Variants in RIMS2 observed in about 807,000 individuals in gnomAD.
RIMS2 encodes regulating synaptic membrane exocytosis protein 2.
A neutral mutation model predicts 174.4 loss-of-function variants in RIMS2; 59 were observed. The ratio of observed to expected loss-of-function variants is 0.34; its 90% confidence interval spans 0.27 to 0.42. The LOEUF (loss-of-function observed/expected upper bound fraction) is 0.42, where lower values mean the gene tolerates loss of function less well. RIMS2 is among the 10% of genes least tolerant of loss of function. The pLI, the probability that RIMS2 is intolerant of heterozygous loss-of-function variation, is 1.00. For synonymous variants in RIMS2, 606 were observed against 572.5 expected, an observed-to-expected ratio of 1.06 and a Z score of -0.84; for missense variants, 1,620 against 1,666.3, an observed-to-expected ratio of 0.97 and a Z score of 0.48.
chr8:103,952,375 G>C (rs1016684570), intron 14 of RIMS2, among the ~76,000 whole-genome samples: 1 of 152,152 alleles, frequency 6.6e-6, no homozygotes, highest in Non-Finnish European at 1.5e-5. Context: ...GCTGGCATCT[G>C]GTGGGTGCCC....
intron 19 of RIMS2, among the ~76,000 whole-genome samples, chr8:104,033,235 T>C (rs1426641404): frequency 1.3e-5 from 2 of 152,020 alleles, no homozygotes; most frequent in East Asian, 1.9e-4. Context: ...ATTGGGAAAA[T>C]AGTGATTAGC....
chr8:103,885,532 T>C, exon 4 of RIMS2: 1 of 1,611,990 alleles, frequency 6.2e-7, no homozygotes, highest in Non-Finnish European at 8.5e-7. Context: ...TTGTAGATGA[T>C]GAGGATGTGG....
chr8:103,576,225 C>G (rs1324637511), intron 1 of RIMS2, among the ~76,000 whole-genome samples: 1 of 152,196 alleles, frequency 6.6e-6, no homozygotes, highest in Non-Finnish European at 1.5e-5. Flanking sequence ...TTTACTACAA[C>G]CAAGGCAAAC....
At chr8:104,205,626 A>T (rs2099076322) in intron 19 of RIMS2, among the ~76,000 whole-genome samples, 1 of 152,196 alleles carries the variant, frequency 6.6e-6, no homozygotes, top group African/African-American at 2.4e-5. Context: ...AGGTCTACCT[A>T]TATTAATATC....
intron 1 of RIMS2, among the ~76,000 whole-genome samples, chr8:103,618,135 CT>C (rs1377767607): frequency 6.6e-6 from 1 of 152,106 alleles, no homozygotes; most frequent in Non-Finnish European, 1.5e-5. Flanking sequence ...GGTACACATA[CT>C]CCATGGAATA....
chr8:104,068,747 A>C (rs955241182), intron 19 of RIMS2, 135 bp downstream of exon 23: 5 of 565,398 alleles, frequency 8.8e-6, no homozygotes, highest in Non-Finnish European at 1.6e-5. Flanking sequence ...TTAAGTGCTA[A>C]AATTTATGTG....
intron 19 of RIMS2, among the ~76,000 whole-genome samples, chr8:104,084,776 G>C (rs186086694): frequency 1.3e-5 from 2 of 152,044 alleles, no homozygotes; most frequent in East Asian, 3.9e-4. Flanking sequence ...TATATGTCAA[G>C]ACCTGTGATC....
At chr8:104,051,066 A>C (rs899379396) in intron 19 of RIMS2, among the ~76,000 whole-genome samples, 1 of 152,014 alleles carries the variant, frequency 6.6e-6, no homozygotes, top group Non-Finnish European at 1.5e-5. Flanking sequence ...GCAAGACCCC[A>C]TCTCTACAAA....
intron 19 of RIMS2, among the ~76,000 whole-genome samples, chr8:104,043,184 G>A (rs2096637401): frequency 6.9e-6 from 1 of 144,720 alleles, no homozygotes; most frequent in Non-Finnish European, 1.5e-5. Context: ...AGAAGAGAAG[G>A]GAAAGGAGAT....
In RIMS2 at chr8:104,101,212, C is replaced by T. The variant is rs565905257; in HGVS notation, c.3334+86597C>T. On this transcript the variant is annotated intron_variant, in intron 19 of 23. Coordinates refer to ENST00000504942, the Ensembl canonical transcript of RIMS2. ...CACAATCTCGGCTCGCTGCAACTTC[C>T]GTCACCCGGGTTCAAACAGTTCTCC... is the stretch of plus-strand genomic sequence containing the variant. Among the ~76,000 whole-genome samples the T allele has an allele frequency of 2.7e-4, 41 of 150,678 alleles. 1 individual carries two copies. Among genetic ancestry groups the T allele is most frequent in the African/African-American group, 3.9e-4 (16 of 41,024 alleles).
intron 1 of RIMS2, among the ~76,000 whole-genome samples, chr8:103,676,569 C>T: frequency 7.6e-6 from 1 of 131,806 alleles, no homozygotes; most frequent in Admixed American, 8.5e-5. Context: ...TTTTTATTTG[C>T]CTTTTAAAGT....
chr8:103,527,974 C>T (rs1253928249), intron 1 of RIMS2, among the ~76,000 whole-genome samples: 1 of 152,190 alleles, frequency 6.6e-6, no homozygotes, highest in Non-Finnish European at 1.5e-5. Flanking sequence ...ACACTGTCTT[C>T]CACAATGGTT....
chr8:103,588,539 T>C (rs2094090304), intron 1 of RIMS2, among the ~76,000 whole-genome samples: 1 of 151,956 alleles, frequency 6.6e-6, no homozygotes, highest in African/African-American at 2.4e-5. Context: ...AAAAACAGCA[T>C]GGTACTGGCA....
intron 19 of RIMS2, among the ~76,000 whole-genome samples, chr8:104,087,303 C>A (rs1566284353): frequency 6.6e-6 from 1 of 151,962 alleles, no homozygotes; most frequent in Non-Finnish European, 1.5e-5. Flanking sequence ...AAGTCATTAT[C>A]CTCTGGGAGT....
At chr8:103,921,696 A>T (rs1279292505) in exon 10 of RIMS2, 1 of 1,527,728 alleles carries the variant, frequency 6.5e-7, no homozygotes, top group Non-Finnish European at 9.1e-7. Context: ...GAATCTCAAA[A>T]AATGGATCGT....
chr8:104,140,847 G>T (rs2098559744), intron 19 of RIMS2, among the ~76,000 whole-genome samples: 1 of 151,974 alleles, frequency 6.6e-6, no homozygotes, highest in African/African-American at 2.4e-5. Context: ...AATTCAAGGG[G>T]AAAAAGAAAC....
At chr8:103,828,179 T>C (rs1191205224) in intron 3 of RIMS2, among the ~76,000 whole-genome samples, 1 of 152,188 alleles carries the variant, frequency 6.6e-6, no homozygotes, top group Non-Finnish European at 1.5e-5. Context: ...ATGACAGGTT[T>C]GGGCATTAGG....
chr8:103,696,276 G>C (rs539618754), intron 1 of RIMS2, among the ~76,000 whole-genome samples: 2 of 152,066 alleles, frequency 1.3e-5, no homozygotes, highest in South Asian at 4.2e-4. Flanking sequence ...TAGCATGTAA[G>C]TTTTCTTCCA....
chr8:103,788,818 T>G (rs1439736507), intron 3 of RIMS2, among the ~76,000 whole-genome samples: 1 of 152,254 alleles, frequency 6.6e-6, no homozygotes, highest in Non-Finnish European at 1.5e-5. Context: ...GCTTGCTGGC[T>G]GCTTTGTTTA....
Sources: gnomAD v4.1 joint callset for allele counts (sites outside exome capture counted in the v4.1 genomes callset) on GRCh38, gnomAD v4.1.1 for gene constraint, MANE v1.5 for transcripts, NCBI Gene and HGNC (gene_info 2026-07-23, HGNC 2026-07-21) for gene names.